TP53BP2: variants seen among roughly 807,000 people sequenced by gnomAD.
TP53BP2 encodes the protein apoptosis-stimulating of p53 protein 2.
A neutral mutation model predicts 126.2 loss-of-function variants in TP53BP2; 62 were observed. That is an observed-to-expected ratio of 0.49 (90% CI 0.40 to 0.61). TP53BP2 has a LOEUF of 0.61. TP53BP2 is among the 20% of genes least tolerant of loss of function. TP53BP2 has a pLI of 0.00. For missense variants in TP53BP2, 1,215 were observed against 1,402.8 expected (o/e 0.87, Z 2.14); for synonymous variants, 485 against 502.9 (o/e 0.96, Z 0.48).
chr1:223,806,748 C>T, intron 5 of TP53BP2, 98 bp downstream of exon 5: 5 of 849,488 alleles, frequency 5.9e-6, no homozygotes, highest in Non-Finnish European at 9.5e-6. Context: ...CACTTGAACT[C>T]AGGAGGCGGA....
chr1:223,839,618 T>C (rs1664040273), intron 1 of TP53BP2, among the ~76,000 whole-genome samples: 1 of 152,210 alleles, frequency 6.6e-6, no homozygotes, highest in Non-Finnish European at 1.5e-5. Flanking sequence ...AGTATTAAGT[T>C]ATAAATCTGT....
chr1:223,814,365 G>A lies in TP53BP2; in HGVS notation c.176-12C>T. The A allele has an allele frequency of 6.4e-7, 1 of 1,562,086 alleles. No individual in the cohort carries two copies. Among genetic ancestry groups the A allele is most frequent in the South Asian group, 1.1e-5 (1 of 89,746 alleles). On this transcript the variant is annotated splice_polypyrimidine_tract_variant and intron_variant, in intron 2 of 17. Transcript: ENST00000343537. ...CGCAACTGGACGTTCTAAAGCAAAT[G>A]AGTAGAAACCACATTATTTTCAGGT...
chr1:223,839,564 C>G (rs1387458255), intron 1 of TP53BP2, among the ~76,000 whole-genome samples: 2 of 152,126 alleles, frequency 1.3e-5, no homozygotes, highest in Non-Finnish European at 2.9e-5. Flanking sequence ...TATGCTTGTG[C>G]CTTAAGGAAT....
chr1:223,837,160 G>GT (rs1262866113), intron 1 of TP53BP2, among the ~76,000 whole-genome samples: 1 of 137,152 alleles, frequency 7.3e-6, no homozygotes, highest in Admixed American at 7.4e-5. Flanking sequence ...AAAAAAGGGG[G>GT]GGGGCGGGGG....
chr1:223,789,131 A>C lies in TP53BP2; in HGVS notation c.3040T>G (p.Cys1014Gly), dbSNP rs1437787536. The C allele has an allele frequency of 6.2e-7, 1 of 1,613,998 alleles. No homozygotes were observed. The highest frequency in any genetic ancestry group is 8.5e-7 in the Non-Finnish European group (1 of 1,180,016). Residue 1014 changes from cysteine to glycine, a missense_variant, in exon 16 of 18, where the codon TGT becomes GGT. Around this residue, in one of 4 missense-constraint regions of TP53BP2, gnomAD observed 151 missense variants for 231.2 expected, o/e 0.65. Coordinates refer to ENST00000343537, the MANE Select transcript of TP53BP2 (RefSeq NM_001031685.3). The part of the protein sequence containing the change: ...CAASCNNVQV[C>G]KFLVESGAAV... ...GCTCCTGACTCCACCAAAAACTTAC[A>C]CACTTGGACGTTGTTACATGAGGCA...
intron 6 of TP53BP2, 24 bp from the exon 7 acceptor site, chr1:223,803,476 C>T (rs1286191915): frequency 1.9e-6 from 3 of 1,561,144 alleles, no homozygotes; most frequent in Non-Finnish European, 2.6e-6. Flanking sequence ...AGAACAGCAA[C>T]AACAGTTGAA....
chr1:223,823,112 G>T (rs909328420), intron 1 of TP53BP2, among the ~76,000 whole-genome samples: 4 of 152,126 alleles, frequency 2.6e-5, no homozygotes, highest in African/African-American at 9.7e-5. Context: ...CTGCAAAAAA[G>T]CAGAATAAGT....
intron 16 of TP53BP2, among the ~76,000 whole-genome samples, chr1:223,785,340 C>A: frequency 6.6e-6 from 1 of 152,134 alleles, no homozygotes; most frequent in South Asian, 2.1e-4. Flanking sequence ...ACAAGAAATT[C>A]TTCTTTTCTA....
chr1:223,793,190 G>T, intron 14 of TP53BP2, 113 bp downstream of exon 14: 9 of 821,438 alleles, frequency 1.1e-5, no homozygotes, highest in Non-Finnish European at 1.4e-5. Context: ...TCTAATTAGA[G>T]CTTTAAAACA....
At chr1:223,832,359 C>T (rs1026975241) in intron 1 of TP53BP2, among the ~76,000 whole-genome samples, 1 of 152,136 alleles carries the variant, frequency 6.6e-6, no homozygotes, top group Non-Finnish European at 1.5e-5. Flanking sequence ...AATAGCCAGG[C>T]GATTATGCTT....
At chr1:223,782,831 G>A (rs1661818779) in intron 17 of TP53BP2, among the ~76,000 whole-genome samples, 1 of 152,076 alleles carries the variant, frequency 6.6e-6, no homozygotes, top group Non-Finnish European at 1.5e-5. Flanking sequence ...GTTACGTTAT[G>A]ATCACCCAAA....
chr1:223,845,848 C>T lies in TP53BP2; in HGVS notation c.-168G>A. The T allele has an allele frequency of 2.2e-6, 1 of 455,708 alleles. No individual in the cohort carries two copies. Among genetic ancestry groups the T allele is most frequent in the South Asian group, 9.5e-5 (1 of 10,566 alleles). 28.2% of individuals were successfully genotyped at this position (455,708 alleles called of 1,614,324 possible). A position where few individuals can be genotyped will look rare whatever the true frequency, so the allele number is the denominator to read the frequency against. On this transcript the variant is annotated 5_prime_UTR_variant, in exon 1 of 18. Transcript: ENST00000343537. ...GGGCCCTCCGCGCGGGCTGGGGCAC[C>T]AACAAGCCCCGGGCTCCCCCGCCCC...
intron 1 of TP53BP2, among the ~76,000 whole-genome samples, chr1:223,838,459 G>A (rs140065858): frequency 4.6e-5 from 7 of 152,122 alleles, no homozygotes; most frequent in East Asian, 1.9e-4. Flanking sequence ...CCTACTACAC[G>A]GGCAGCCCTG....
At chr1:223,788,006 C>T (rs530411032) in intron 16 of TP53BP2, among the ~76,000 whole-genome samples, 1 of 152,114 alleles carries the variant, frequency 6.6e-6, no homozygotes, top group East Asian at 1.9e-4. Context: ...GAGTTTGGGG[C>T]TACAGTGGGC....
chr1:223,796,604 G>T lies in TP53BP2; in HGVS notation c.1949-14C>A. ...GCTTACCATATACTAATTGGAAAAG[G>T]AAAAAAAAAAGCCCTCATTAGCATT... On this transcript the variant is annotated splice_polypyrimidine_tract_variant and intron_variant, in intron 12 of 17. Coordinates refer to ENST00000343537, the MANE Select transcript of TP53BP2 (RefSeq NM_001031685.3). The surrounding 1 kb of genome is among the most constrained non-coding windows in gnomAD (Gnocchi z 4.2). 1 of 1,417,242 alleles carries T rather than the reference G, an allele frequency of 7.1e-7. No homozygotes were observed. The allele number at this position is 1,417,242 out of a possible 1,614,324, so 87.8% of individuals were successfully genotyped here. A position where few individuals can be genotyped will look rare whatever the true frequency, so the allele number is the denominator to read the frequency against.
rs1409860110 is a variant in TP53BP2, at chr1:223,780,799, ACTT to A, written c.*51_*53del. On this transcript the variant is annotated 3_prime_UTR_variant, in exon 18 of 18. Transcript: ENST00000343537. Reference sequence around the variant, plus strand: ...AATTTTTGCCAAAAATAATCGTATTACTTCTTCTTAACAGAGATTAATTCTTCA... The same window carrying A: ...AATTTTTGCCAAAAATAATCGTATTACTTCTTAACAGAGATTAATTCTTCA... 51 of 1,574,646 alleles carry A rather than the reference ACTT, an allele frequency of 3.2e-5. 1 individual carries two copies. In the South Asian group the frequency reaches 5.0e-4, roughly 15 times the overall value.
chr1:223,803,967 A>T (rs1357896572), intron 6 of TP53BP2, among the ~76,000 whole-genome samples: 1 of 152,104 alleles, frequency 6.6e-6, no homozygotes, highest in Non-Finnish European at 1.5e-5. Flanking sequence ...AGTAAATTAT[A>T]TTTTTTCAAA....
intron 1 of TP53BP2, among the ~76,000 whole-genome samples, chr1:223,824,863 T>C (rs1489622280): frequency 1.3e-5 from 2 of 152,078 alleles, no homozygotes; most frequent in East Asian, 1.9e-4. Context: ...ACACCAGGCA[T>C]GTTCCCAGGT....
intron 14 of TP53BP2, 21 bp from the exon 15 acceptor site, chr1:223,792,543 A>C (rs1298179794): frequency 1.2e-6 from 2 of 1,612,808 alleles, no homozygotes; most frequent in Non-Finnish European, 1.7e-6. Flanking sequence ...AAGAAGGGTG[A>C]GCATCACTCT....
Sources: allele counts gnomAD v4.1 joint callset (sites outside exome capture counted in the v4.1 genomes callset), GRCh38; gene constraint gnomAD v4.1.1; regional missense constraint gnomAD v4.1.1; non-coding constraint Gnocchi (gnomAD v3.1); transcripts MANE v1.5; gene names NCBI Gene and HGNC (gene_info 2026-07-23, HGNC 2026-07-21).